The following TSPOAP1 variants were observed in gnomAD, a reference collection of about 807,000 sequenced individuals.
The protein encoded by TSPOAP1 is peripheral-type benzodiazepine receptor-associated protein 1.
Under a neutral mutation model 197.0 loss-of-function variants are expected in TSPOAP1, and 87 were observed. That is an observed-to-expected ratio of 0.44 (90% confidence interval 0.37 to 0.53). The LOEUF is 0.53. Among genes scored for constraint, TSPOAP1 ranks in the 20% least tolerant of loss-of-function variants. The pLI, the probability that TSPOAP1 is intolerant of heterozygous loss-of-function variation, is 0.00. For missense variants in TSPOAP1, 2,174 were observed against 2,411.3 expected (o/e 0.90, Z 2.06); for synonymous variants, 913 against 998.9 (o/e 0.91, Z 1.62).
chr17:58,318,449 A>G lies in TSPOAP1; in HGVS notation c.1703T>C (p.Leu568Pro). 2 of 1,611,428 alleles carry G rather than the reference A, an allele frequency of 1.2e-6. No homozygotes were observed. Among genetic ancestry groups the G allele is most frequent in the Non-Finnish European group, 1.7e-6 (2 of 1,179,028 alleles). ...QPCRGSGPKD[L>P]DLPPGSPGRC... ...CCCAGGGGAGCCCGGCGGGAGGTCA[A>G]GGTCTAAAGAGAAGATGGCACGTGG... The change falls in exon 14 of 32, where the codon CTT becomes CCT. Residue 568 changes from leucine to proline, a missense_variant. Physicochemically the swap from Leu to Pro is moderately conservative, Grantham distance 98 (BLOSUM62 -3). This residue lies in a region of TSPOAP1 where 1,933 missense variants were observed against 2,139.0 expected (regional missense o/e 0.90). Transcript: ENST00000343736.
At position 58,312,157 on chromosome 17, in the gene TSPOAP1, C is replaced by T. The variant is rs749599161; in HGVS notation, c.2664G>A (p.Leu888=). The change falls in exon 17 of 32, where the codon CTG becomes CTA. Residue 888 remains leucine, a synonymous_variant. Transcript: ENST00000343736. ...GARAGVVPSQ[L]RVHRLTATSA... ...ATGTGGCTGTCAACCGATGGACCCG[C>T]AGCTGGCTGGGCACCACTCCGGCCC... 6.2e-7 allele frequency: 1 copy of T among 1,613,160 alleles called. No homozygotes were observed. The highest frequency in any genetic ancestry group is 8.5e-7 in the Non-Finnish European group (1 of 1,180,000).
In TSPOAP1 at chr17:58,327,860, G is replaced by T; in HGVS notation, c.61C>A (p.Leu21Met). 6.2e-7 allele frequency: 1 copy of T among 1,613,558 alleles called. No individual in the cohort carries two copies. Among genetic ancestry groups the T allele is most frequent in the Non-Finnish European group, 8.5e-7 (1 of 1,179,772 alleles). ...GGAGTCCAGCTATGCCAGGTGGGCA[G>T]TGCCCATGGCTCCATGGCTCCAGGG... ...GDPGAMEPWA[L>M]PTWHSWTPGR... Residue 21 changes from leucine to methionine, a missense_variant, in exon 1 of 32, where the codon CTG becomes ATG. By Grantham distance (15) the Leu-to-Met change is conservative (BLOSUM62 2). This residue lies in a region of TSPOAP1 where 1,933 missense variants were observed against 2,139.0 expected (regional missense o/e 0.90). Transcript: ENST00000343736.
Position 58,312,450 on chromosome 17 carries a change from C to T in TSPOAP1, c.2371G>A (p.Val791Met), listed in dbSNP as rs150042045. 14 of 1,612,416 alleles carry T rather than the reference C, an allele frequency of 8.7e-6. No individual in the cohort carries two copies. Among genetic ancestry groups the T allele is most frequent in the Admixed American group, 3.3e-5 (2 of 59,956 alleles). ...SPEGLGEPPA[V>M]PYPRRLVVLK... Reference sequence around the variant, plus strand: ...ACCACCAGACGGCGGGGGTAAGGCACGGCAGGAGGCTCGCCCAGGCCCTCC... The same window carrying T: ...ACCACCAGACGGCGGGGGTAAGGCATGGCAGGAGGCTCGCCCAGGCCCTCC... Residue 791 changes from valine (V) to methionine (M), a missense_variant, in exon 17 of 32, where the codon GTG (valine) becomes ATG (methionine). By Grantham distance (21) the Val-to-Met change is conservative. Around this residue, in one of 5 missense-constraint regions of TSPOAP1, gnomAD observed 1,933 missense variants for 2,139.0 expected, o/e 0.90. Coordinates refer to ENST00000343736, the MANE Select transcript of TSPOAP1 (RefSeq NM_004758.4).
At chr17:58,307,303 C>T in intron 24 of TSPOAP1, 1 of 524,490 alleles carries the variant, frequency 1.9e-6, no homozygotes. Flanking sequence ...TTAGATTGTG[C>T]TGCCTATGTC....
Position 58,309,128 on chromosome 17 carries a change from A to G in TSPOAP1, c.4144T>C (p.Leu1382=), listed in dbSNP as rs1971003135. 1 of 1,613,766 alleles carries G rather than the reference A, an allele frequency of 6.2e-7. No homozygotes were observed. The highest frequency in any genetic ancestry group is 1.3e-5 in the African/African-American group (1 of 74,910). Residue 1382 remains leucine (L), a synonymous_variant, in exon 22 of 32, where the codon TTG becomes CTG. Transcript: ENST00000343736. This position sits in a 1 kb window ranked among gnomAD's most constrained non-coding sequence, Gnocchi z 5.0. ...GQPRRPGQCP[L]SPESSRAGDC... Reference sequence around the variant, plus strand: ...CCAGCCCTGGAGGACTCAGGAGACAAGGGACACTGGCCAGGTCTTCGGGGC... The same window carrying G: ...CCAGCCCTGGAGGACTCAGGAGACAGGGGACACTGGCCAGGTCTTCGGGGC...
chr17:58,311,470 A>G, intron 18 of TSPOAP1, 101 bp downstream of exon 18: 1 of 1,475,496 alleles, frequency 6.8e-7, no homozygotes, highest in Non-Finnish European at 9.1e-7. Flanking sequence ...CCCAAATGCC[A>G]GGGGCTGGGC....
chr17:58,311,824 C>T (rs968074199), intron 17 of TSPOAP1, 68 bp downstream of exon 17: 3 of 1,484,658 alleles, frequency 2.0e-6, no homozygotes, highest in Middle Eastern at 2.5e-4. Context: ...AGATCAGGGT[C>T]CCCTTCTTCC....
Position 58,301,828 on chromosome 17 carries a change from CA to C in TSPOAP1, c.*651del, listed in dbSNP as rs1442016288. ...ATAAAATCCAGTGCAAACTTTCCTT[CA>C]GGGGAGGGAAGACAGGATCAGGACA... On this transcript the variant is annotated 3_prime_UTR_variant, in exon 32 of 32. Coordinates refer to ENST00000343736, the MANE Select transcript of TSPOAP1 (RefSeq NM_004758.4). The C allele has an allele frequency of 1.9e-4, 30 of 158,806 alleles. 1 individual carries two copies. Among genetic ancestry groups the C allele is most frequent in the Non-Finnish European group, 7.0e-5 (5 of 71,528 alleles). The allele number at this position is 158,806 out of a possible 1,614,324, so 9.8% of individuals were successfully genotyped here. A position where few individuals can be genotyped will look rare whatever the true frequency, so the allele number is the denominator to read the frequency against.
At chr17:58,314,002 G>A (rs746645325) in intron 16 of TSPOAP1, among the ~76,000 whole-genome samples, 1 of 152,176 alleles carries the variant, frequency 6.6e-6, no homozygotes, top group Non-Finnish European at 1.5e-5. Flanking sequence ...TAATGTCACG[G>A]TCAATTTAAA....
Position 58,309,867 on chromosome 17 carries a change from T to C in TSPOAP1, c.3891+100A>G. The stretch of plus-strand genomic sequence containing the variant: ...GGGCCCAGGCCACAGACCTAGAATG[T>C]TTCTGGCACTCAGTGGTGGTCAGAG... On this transcript the variant is annotated intron_variant, in intron 21 of 31. Transcript: ENST00000343736. The surrounding 1 kb of genome is among the most constrained non-coding windows in gnomAD (Gnocchi z 5.0). 6.9e-7 allele frequency: 1 copy of C among 1,442,098 alleles called. No homozygotes were observed. Among genetic ancestry groups the C allele is most frequent in the Non-Finnish European group, 9.3e-7 (1 of 1,069,680 alleles). The allele number at this position is 1,442,098 out of a possible 1,614,324, so 89.3% of individuals were successfully genotyped here.
chr17:58,310,484 G>A, intron 20 of TSPOAP1, 28 bp downstream of exon 20: 1 of 1,605,442 alleles, frequency 6.2e-7, no homozygotes, highest in Non-Finnish European at 8.5e-7. Context: ...ATTCTCTGAA[G>A]TGACACAGTG....
Position 58,312,202 on chromosome 17 carries a change from A to G in TSPOAP1, c.2619T>C (p.Cys873=), listed in dbSNP as rs1971095382. ...TSRGSSDPLR[C]CLAVGARAGV... is the part of the protein sequence containing the mutation. ...CGGCCCGGGCACCCACCGCCAAGCA[A>G]CAGCGCAGTGGGTCAGAGCTGCCCC... is the stretch of plus-strand genomic sequence containing the variant. The change falls in exon 17 of 32, where the codon TGT becomes TGC. Residue 873 remains cysteine, a synonymous_variant. Transcript: ENST00000343736. The G allele has an allele frequency of 2.2e-5, 36 of 1,612,952 alleles. No homozygotes were observed. Among genetic ancestry groups the G allele is most frequent in the Non-Finnish European group, 3.1e-5 (36 of 1,179,932 alleles).
Position 58,304,822 on chromosome 17 carries a change from C to T in TSPOAP1, c.5544+239G>A, listed in dbSNP as rs568319986. On this transcript the variant is annotated intron_variant, in intron 30 of 31. Coordinates refer to ENST00000343736, the MANE Select transcript of TSPOAP1 (RefSeq NM_004758.4). The surrounding 1 kb of genome is among the most constrained non-coding windows in gnomAD (Gnocchi z 4.2). ...TCAGCCACCAGGTGTTGGCAGCTGGCGAGATGGCCTGAGGGTCAGGGTCAC... is the reference window on the plus strand; with the variant it reads ...TCAGCCACCAGGTGTTGGCAGCTGGTGAGATGGCCTGAGGGTCAGGGTCAC... The T allele has an allele frequency of 4.8e-6, 3 of 631,436 alleles. No homozygotes were observed. The highest frequency in any genetic ancestry group is 1.7e-5 in the South Asian group (1 of 57,972). The allele number at this position is 631,436 out of a possible 1,614,324, so 39.1% of individuals were successfully genotyped here. A position where few individuals can be genotyped will look rare whatever the true frequency, so the allele number is the denominator to read the frequency against.
chr17:58,320,948 C>G (rs1360789327), intron 10 of TSPOAP1, among the ~76,000 whole-genome samples: 1 of 152,080 alleles, frequency 6.6e-6, no homozygotes, highest in African/African-American at 2.4e-5. Context: ...TAGGGTTACC[C>G]TGGACCCAGT....
Position 58,326,525 on chromosome 17 carries a change from CT to C in TSPOAP1, c.442-105del. On this transcript the variant is annotated intron_variant, in intron 2 of 31. Coordinates refer to ENST00000343736, the MANE Select transcript of TSPOAP1 (RefSeq NM_004758.4). The surrounding 1 kb of genome is among the most constrained non-coding windows in gnomAD (Gnocchi z 4.7). The stretch of plus-strand genomic sequence containing the variant: ...AGAGCCCTAGGCTCACAGTGGGGTC[CT>C]TGGCAACTCTAGGCAGGGGTTCACC... The C allele has an allele frequency of 6.4e-7, 1 of 1,557,602 alleles. No homozygotes were observed. The highest frequency in any genetic ancestry group is 1.2e-5 in the South Asian group (1 of 83,510).
In TSPOAP1 at chr17:58,308,862, C is replaced by T; in HGVS notation, c.4410G>A (p.Leu1470=). 1 of 1,606,786 alleles carries T rather than the reference C, an allele frequency of 6.2e-7. No homozygotes were observed. Among genetic ancestry groups the T allele is most frequent in the Non-Finnish European group, 8.5e-7 (1 of 1,175,980 alleles). ...TGLEASGRGR[L]GPSRRCSRGR... ...CACGGGAGCACCTCCGGGAAGGGCC[C>T]AGCCGGCCTCTCCCGCTAGCCTCTA... Residue 1470 remains leucine, a synonymous_variant, in exon 22 of 32, where the codon CTG becomes CTA. Coordinates refer to ENST00000343736, the MANE Select transcript of TSPOAP1 (RefSeq NM_004758.4).
At position 58,305,108 on chromosome 17, in the gene TSPOAP1, C is replaced by T. The variant is rs746806807; in HGVS notation, c.5497G>A (p.Ala1833Thr). 1 of 1,614,028 alleles carries T rather than the reference C, an allele frequency of 6.2e-7. No individual in the cohort carries two copies. Among genetic ancestry groups the T allele is most frequent in the Non-Finnish European group, 8.5e-7 (1 of 1,179,964 alleles). ...CTGGGTTCCCTGTCCAGGCCGCCTGCCTCAGGCCCAGGGCCCTCCAGGAAG... is the reference window on the plus strand; with the variant it reads ...CTGGGTTCCCTGTCCAGGCCGCCTGTCTCAGGCCCAGGGCCCTCCAGGAAG... ...SNFLEGPGPEAGGLDREPRTP... is the reference protein window; with the variant it reads ...SNFLEGPGPETGGLDREPRTP... The change falls in exon 30 of 32, where the codon GCA becomes ACA. Residue 1833 changes from alanine to threonine, a missense_variant. By Grantham distance (58) the Ala-to-Thr change is moderately conservative. This residue lies in a region of TSPOAP1 where 60 missense variants were observed against 56.2 expected (regional missense o/e 1.07). Coordinates refer to ENST00000343736, the MANE Select transcript of TSPOAP1 (RefSeq NM_004758.4).
At position 58,318,985 on chromosome 17, in the gene TSPOAP1, G is replaced by A. The variant is rs977741830; in HGVS notation, c.1699+105C>T. The A allele has an allele frequency of 7.1e-6, 9 of 1,273,004 alleles. No individual in the cohort carries two copies. The African/African-American group carries it at 1.4e-4, about 19-fold the overall frequency. 78.9% of individuals were successfully genotyped at this position (1,273,004 alleles called of 1,614,324 possible). ...GCCAGGCACAGCTCTAACCTGCTGTGTGACTTTGGATGAGTTGCTGGCCTT... is the reference window on the plus strand; with the variant it reads ...GCCAGGCACAGCTCTAACCTGCTGTATGACTTTGGATGAGTTGCTGGCCTT... On this transcript the variant is annotated intron_variant, in intron 13 of 31. Coordinates refer to ENST00000343736, the MANE Select transcript of TSPOAP1 (RefSeq NM_004758.4).
At chr17:58,306,250 C>T (rs2144028958) in intron 26 of TSPOAP1, 92 bp downstream of exon 26, 1 of 1,286,220 alleles carries the variant, frequency 7.8e-7, no homozygotes, top group African/African-American at 1.5e-5. Context: ...ACACATCCTC[C>T]CAGCACCTGA....
Sources: allele counts gnomAD v4.1 joint callset (sites outside exome capture counted in the v4.1 genomes callset), GRCh38; gene constraint gnomAD v4.1.1; regional missense constraint gnomAD v4.1.1; non-coding constraint Gnocchi (gnomAD v3.1); transcripts MANE v1.5; gene names NCBI Gene and HGNC (gene_info 2026-07-23, HGNC 2026-07-21).